MARCHF1: variants seen among roughly 807,000 people sequenced by gnomAD.
MARCHF1 encodes the protein E3 ubiquitin-protein ligase MARCHF1.
MARCHF1 carries 40 observed loss-of-function variants against 54.2 expected under a neutral mutation model. The observed-to-expected ratio is 0.74, with a 90% CI of 0.57 to 0.96. The LOEUF (loss-of-function observed/expected upper bound fraction) is 0.96. Ranked by LOEUF, MARCHF1 falls within the 40% of genes least tolerant of loss-of-function variation. MARCHF1 has a pLI of 0.00. For synonymous variants in MARCHF1, 236 were observed against 236.3 expected, an observed-to-expected ratio of 1.00 and a Z score of 0.01; for missense variants, 586 against 656.5, an observed-to-expected ratio of 0.89 and a Z score of 1.17.
At chr4:163,680,304 C>T (rs2111162143) in intron 5 of MARCHF1, among the ~76,000 whole-genome samples, 1 of 152,348 alleles carries the variant, frequency 6.6e-6, no homozygotes, top group South Asian at 2.1e-4. Flanking sequence ...TAAGCTTACG[C>T]TTAACCTACC....
intron 1 of MARCHF1, among the ~76,000 whole-genome samples, chr4:164,363,661 T>C (rs1165508565): frequency 6.6e-6 from 1 of 152,136 alleles, no homozygotes; most frequent in Non-Finnish European, 1.5e-5. Context: ...ATAGTTTAAG[T>C]GGATCAACTG....
intron 1 of MARCHF1, among the ~76,000 whole-genome samples, chr4:164,363,975 AGAAT>A (rs1305844716): frequency 6.6e-6 from 1 of 152,128 alleles, no homozygotes; most frequent in African/African-American, 2.4e-5. Flanking sequence ...TATACAAAAA[AGAAT>A]GAATATTTTC....
At chr4:164,278,920 CT>C (rs1733953530) in intron 1 of MARCHF1, among the ~76,000 whole-genome samples, 1 of 152,090 alleles carries the variant, frequency 6.6e-6, no homozygotes, top group Admixed American at 6.5e-5. Flanking sequence ...CACCAATATA[CT>C]ATGTACATAT....
chr4:164,014,378 C>T (rs1197026748), intron 2 of MARCHF1, among the ~76,000 whole-genome samples: 4 of 151,710 alleles, frequency 2.6e-5, no homozygotes, highest in Admixed American at 6.6e-5. Flanking sequence ...TTATGGTAAC[C>T]ATAAAACAAA....
intron 4 of MARCHF1, among the ~76,000 whole-genome samples, chr4:163,810,839 C>G (rs1748364077): frequency 1.3e-5 from 2 of 152,084 alleles, no homozygotes; most frequent in South Asian, 4.1e-4. Flanking sequence ...CACGTTGAAG[C>G]CATTCCCTTC....
chr4:164,096,651 GT>G (rs1324617059), intron 2 of MARCHF1, among the ~76,000 whole-genome samples: 2 of 151,818 alleles, frequency 1.3e-5, no homozygotes, highest in Non-Finnish European at 2.9e-5. Flanking sequence ...TGAACACAAA[GT>G]AAAAAGAATC....
chr4:163,913,126 T>A (rs1294874368), intron 3 of MARCHF1, among the ~76,000 whole-genome samples: 1 of 152,214 alleles, frequency 6.6e-6, no homozygotes, highest in Admixed American at 6.5e-5. Flanking sequence ...TACAAAATTA[T>A]AGAAACATGG....
intron 4 of MARCHF1, among the ~76,000 whole-genome samples, chr4:163,766,370 C>T (rs1405386219): frequency 6.6e-6 from 1 of 151,842 alleles, no homozygotes; most frequent in African/African-American, 2.4e-5. Flanking sequence ...TCCCTCAATT[C>T]TCCTCTCATA....
intron 1 of MARCHF1, among the ~76,000 whole-genome samples, chr4:164,236,339 T>C (rs1428494928): frequency 1.3e-5 from 2 of 152,138 alleles, no homozygotes; most frequent in African/African-American, 4.8e-5. Context: ...TAAAATATGC[T>C]GCTGACTGAT....
At chr4:163,539,388 C>T (rs1738651805) in intron 9 of MARCHF1, among the ~76,000 whole-genome samples, 1 of 152,158 alleles carries the variant, frequency 6.6e-6, no homozygotes, top group Admixed American at 6.5e-5. Flanking sequence ...TAGTATCTAC[C>T]AATTTCATAT....
intron 2 of MARCHF1, among the ~76,000 whole-genome samples, chr4:164,093,694 G>C (rs992001559): frequency 6.6e-6 from 1 of 152,138 alleles, no homozygotes; most frequent in African/African-American, 2.4e-5. Flanking sequence ...AGCACTGAAG[G>C]GGAGGACAGT....
chr4:163,583,464 A>G (rs1055091275), intron 8 of MARCHF1, among the ~76,000 whole-genome samples: 21 of 152,140 alleles, frequency 1.4e-4, no homozygotes, highest in Admixed American at 9.8e-4. Context: ...GAATGTAGAA[A>G]TGCTGTCCTT....
intron 1 of MARCHF1, among the ~76,000 whole-genome samples, chr4:164,157,829 T>C (rs1730117890): frequency 6.6e-6 from 1 of 152,168 alleles, no homozygotes; most frequent in Admixed American, 6.5e-5. Context: ...GGACACATTC[T>C]GAGGTACTTG....
intron 1 of MARCHF1, among the ~76,000 whole-genome samples, chr4:164,313,182 C>CA (rs140895798): frequency 0.55 from 65,134 of 119,256 alleles, 16,863 homozygotes; most frequent in Admixed American, 0.63. Context: ...ACTAAAAATA[C>CA]AAAAAAAAAA....
chr4:164,197,413 C>CTGAG (rs1731306411), intron 1 of MARCHF1: 1 of 1,613,336 alleles, frequency 6.2e-7, no homozygotes, highest in African/African-American at 1.3e-5. Flanking sequence ...CTCTATTGTG[C>CTGAG]TGAGGTCTTT....
intron 1 of MARCHF1, among the ~76,000 whole-genome samples, chr4:164,161,049 T>C (rs1430283421): frequency 6.6e-6 from 1 of 152,134 alleles, no homozygotes; most frequent in Non-Finnish European, 1.5e-5. Flanking sequence ...TACCAATTGA[T>C]ATAGTTTGGA....
chr4:164,003,498 T>C (rs980038151), intron 2 of MARCHF1, among the ~76,000 whole-genome samples: 1 of 151,984 alleles, frequency 6.6e-6, no homozygotes, highest in Non-Finnish European at 1.5e-5. Flanking sequence ...AAGAGAAATA[T>C]CATGTAAACA....
chr4:164,000,274 A>G (rs2110915724), intron 2 of MARCHF1, among the ~76,000 whole-genome samples: 1 of 151,902 alleles, frequency 6.6e-6, no homozygotes, highest in East Asian at 1.9e-4. Context: ...TAAATGAAAC[A>G]TAGATATGCT....
intron 3 of MARCHF1, among the ~76,000 whole-genome samples, chr4:163,904,434 G>A (rs1333113904): frequency 1.3e-5 from 2 of 152,148 alleles, no homozygotes; most frequent in African/African-American, 4.8e-5. Context: ...GAATTTTAAT[G>A]GGACAGGTGC....
Sources: allele counts gnomAD v4.1 joint callset (sites outside exome capture counted in the v4.1 genomes callset), GRCh38; gene constraint gnomAD v4.1.1; transcripts MANE v1.5; gene names NCBI Gene and HGNC (gene_info 2026-07-23, HGNC 2026-07-21).